The following PRKCB variants were observed in gnomAD, a reference collection of about 807,000 sequenced individuals.
PRKCB encodes protein kinase C beta.
A neutral mutation model predicts 81.5 loss-of-function variants in PRKCB; 13 were observed. The observed-to-expected ratio is 0.16, with a 90% CI of 0.10 to 0.25. PRKCB has a LOEUF of 0.25. Among genes scored for constraint, PRKCB ranks in the 10% least tolerant of loss-of-function variants. The pLI, the probability that PRKCB is intolerant of heterozygous loss-of-function variation, is 1.00. For missense variants in PRKCB, 509 were observed against 875.7 expected (o/e 0.58, Z 5.29); for synonymous variants, 335 against 321.4 (o/e 1.04, Z -0.45).
chr16:24,127,345 A>G (rs1966846285), intron 9 of PRKCB, among the ~76,000 whole-genome samples: 1 of 152,142 alleles, frequency 6.6e-6, no homozygotes. Context: ...ATGATTCATC[A>G]TTAAGATTAT....
chr16:23,981,723 CT>C (rs1964711473), intron 2 of PRKCB, among the ~76,000 whole-genome samples: 1 of 44,082 alleles, frequency 2.3e-5, no homozygotes, highest in Non-Finnish European at 4.1e-5. Context: ...TTCCCTTCCC[CT>C]TCCCTTCCCC....
intron 9 of PRKCB, among the ~76,000 whole-genome samples, chr16:24,138,361 C>G (rs1966872273): frequency 6.6e-6 from 1 of 152,210 alleles, no homozygotes; most frequent in African/African-American, 2.4e-5. Context: ...CCATGAATGA[C>G]AGGACTTTAA....
intron 2 of PRKCB, among the ~76,000 whole-genome samples, chr16:23,851,681 A>G (rs1254264983): frequency 1.3e-5 from 2 of 152,180 alleles, no homozygotes; most frequent in Non-Finnish European, 2.9e-5. Context: ...GCTAGTATGG[A>G]CATTTTCACA....
rs28545356 is a variant in PRKCB, at chr16:23,980,377, G to T, written c.206-8131G>T. Among the ~76,000 whole-genome samples the T allele has an allele frequency of 4.7e-3, 713 of 152,210 alleles. 7 individuals carry two copies. The highest frequency in any genetic ancestry group is 0.016 in the African/African-American group (659 of 41,524). ...AGCTTTGACCTAGGAGGAAAGAGTG[G>T]TTCTCCCAGCAGCTGTAGAGCAAAA... On this transcript the variant is annotated intron_variant, in intron 2 of 16. Transcript: ENST00000643927.
chr16:23,935,061 G>A (rs1964039194), intron 2 of PRKCB, among the ~76,000 whole-genome samples: 1 of 152,184 alleles, frequency 6.6e-6, no homozygotes, highest in South Asian at 2.1e-4. Context: ...ACCTGGCTGA[G>A]CACAGAGCCA....
Position 24,183,202 on chromosome 16 carries a change from T to TTTCA in PRKCB, c.1534-1899_1534-1896dup, listed in dbSNP as rs534957443. Among the ~76,000 whole-genome samples, 11 of 152,284 alleles carry TTTCA rather than the reference T, an allele frequency of 7.2e-5. No individual in the cohort carries two copies. The South Asian group carries it at 1.9e-3, about 26-fold the overall frequency. On this transcript the variant is annotated intron_variant, in intron 13 of 16. Coordinates refer to ENST00000643927, the MANE Select transcript of PRKCB (RefSeq NM_002738.7). ...CTTGAGGGTTACTTCTCAGAATGCA[T>TTTCA]TTCATTCATTCATAATTGACCAGTA...
chr16:24,202,053 A>G (rs1019111864), intron 16 of PRKCB, among the ~76,000 whole-genome samples: 3 of 152,054 alleles, frequency 2.0e-5, no homozygotes, highest in South Asian at 4.1e-4. Flanking sequence ...AAAAAAAAGA[A>G]AAAAAGAAAA....
chr16:23,984,301 T>C (rs1223112197), intron 2 of PRKCB, among the ~76,000 whole-genome samples: 2 of 152,212 alleles, frequency 1.3e-5, no homozygotes, highest in Non-Finnish European at 2.9e-5. Flanking sequence ...TGGGTCCTAT[T>C]GTTGCTGTCA....
chr16:23,875,474 TA>T (rs1962979497), intron 2 of PRKCB, among the ~76,000 whole-genome samples: 1 of 43,690 alleles, frequency 2.3e-5, no homozygotes. Flanking sequence ...TTGCTTCAAC[TA>T]AAAAGATATA....
chr16:23,876,598 A>T (rs1472517672), intron 2 of PRKCB, among the ~76,000 whole-genome samples: 1 of 151,408 alleles, frequency 6.6e-6, no homozygotes. Context: ...AAAAAATGAC[A>T]TTTGCGTACC....
At chr16:24,185,307 C>A in intron 14 of PRKCB, 116 bp downstream of exon 14, 1 of 1,240,620 alleles carries the variant, frequency 8.1e-7, no homozygotes, top group Non-Finnish European at 1.2e-6. Context: ...TATGACTTTC[C>A]CGGCCTTGGG....
intron 2 of PRKCB, among the ~76,000 whole-genome samples, chr16:23,976,308 A>C (rs781132660): frequency 6.6e-6 from 1 of 152,146 alleles, no homozygotes; most frequent in Non-Finnish European, 1.5e-5. Context: ...AAAAAAACCC[A>C]CAAAAACCGC....
chr16:24,124,074 G>A (rs1966833217), intron 9 of PRKCB, 93 bp downstream of exon 9: 2 of 1,421,350 alleles, frequency 1.4e-6, no homozygotes, highest in Admixed American at 1.9e-5. Flanking sequence ...CGTCCTAGTG[G>A]GAGAGAGAGT....
intron 12 of PRKCB, among the ~76,000 whole-genome samples, chr16:24,178,362 T>C (rs552199667): frequency 1.3e-5 from 2 of 152,338 alleles, no homozygotes; most frequent in South Asian, 4.1e-4. Context: ...TAGGGTGTGA[T>C]ATCAAAACAC....
Position 23,918,057 on chromosome 16 carries a change from T to G in PRKCB, c.206-70451T>G, listed in dbSNP as rs1963768259. On this transcript the variant is annotated intron_variant, in intron 2 of 16. Coordinates refer to ENST00000643927, the MANE Select transcript of PRKCB (RefSeq NM_002738.7). The stretch of plus-strand genomic sequence containing the variant: ...TGGGGAATGAATAAAATGGGGTTTA[T>G]CAGCAAGAACAGCAAAAGACTTCTT... Among the ~76,000 whole-genome samples the G allele has an allele frequency of 5.3e-5, 8 of 152,144 alleles. No individual in the cohort carries two copies. In the South Asian group the frequency reaches 1.7e-3, roughly 31 times the overall value.
chr16:23,870,023 A>AG (rs1428150052), intron 2 of PRKCB, among the ~76,000 whole-genome samples: 2 of 141,526 alleles, frequency 1.4e-5, no homozygotes, highest in Non-Finnish European at 3.3e-5. Context: ...CTCCATCTGA[A>AG]AAAAAAAAAA....
intron 5 of PRKCB, among the ~76,000 whole-genome samples, chr16:24,073,970 G>A (rs937251862): frequency 4.6e-5 from 7 of 151,896 alleles, no homozygotes; most frequent in Admixed American, 2.6e-4. Context: ...GTGAAACCCC[G>A]ATACAAAAAT....
intron 16 of PRKCB, among the ~76,000 whole-genome samples, chr16:24,200,318 CAAAT>C (rs1451182113): frequency 1.3e-5 from 2 of 152,178 alleles, no homozygotes; most frequent in African/African-American, 4.8e-5. Context: ...TACTGACAAA[CAAAT>C]AGCCAAGAGC....
chr16:24,117,798 G>T (rs559526843), intron 8 of PRKCB, among the ~76,000 whole-genome samples: 1 of 152,298 alleles, frequency 6.6e-6, no homozygotes, highest in African/African-American at 2.4e-5. Context: ...GGCAGCTAGG[G>T]TTTAACCCTG....
Sources: gnomAD v4.1 joint callset for allele counts (sites outside exome capture counted in the v4.1 genomes callset) on GRCh38, gnomAD v4.1.1 for gene constraint, MANE v1.5 for transcripts, NCBI Gene and HGNC (gene_info 2026-07-23, HGNC 2026-07-21) for gene names.